The following ZCCHC7 variants were observed in gnomAD, a reference collection of about 807,000 sequenced individuals.
The protein encoded by ZCCHC7 is zinc finger CCHC domain-containing protein 7.
A neutral mutation model predicts 52.0 loss-of-function variants in ZCCHC7; 35 were observed. The ratio of observed to expected loss-of-function variants is 0.67; its 90% CI spans 0.51 to 0.89. The LOEUF is 0.89. Ranked by LOEUF, ZCCHC7 falls within the 40% of genes least tolerant of loss-of-function variation. ZCCHC7 has a pLI of 0.00. For synonymous variants in ZCCHC7, 217 were observed against 221.5 expected (o/e 0.98, Z 0.18); for missense variants, 574 against 649.1 (o/e 0.88, Z 1.26).
intron 2 of ZCCHC7, among the ~76,000 whole-genome samples, chr9:37,267,679 C>T (rs920344964): frequency 1.3e-5 from 2 of 151,068 alleles, no homozygotes; most frequent in African/African-American, 4.9e-5. Flanking sequence ...ACGCCAGTCT[C>T]CTGCCTCAGC....
Position 37,348,359 on chromosome 9 carries a change from T to TTTCTTTCTTTCTTTCC in ZCCHC7, c.988-983_988-982insCTTCTTTCTTTCTTTC, listed in dbSNP as rs1821146440. Among the ~76,000 whole-genome samples the TTTCTTTCTTTCTTTCC allele has an allele frequency of 6.6e-5, 9 of 136,374 alleles. No individual in the cohort carries two copies. In the South Asian group the frequency reaches 2.0e-3, roughly 30 times the overall value. The allele number at this position is 136,374 out of a possible 152,430, so 89.5% of individuals were successfully genotyped here. A position where few individuals can be genotyped will look rare whatever the true frequency, so the allele number is the denominator to read the frequency against. On this transcript the variant is annotated intron_variant, in intron 6 of 8. Transcript: ENST00000336755. Reference sequence around the variant, plus strand: ...GTGATACCAGTTCGTTCTTTCTTTCTTTCTTTCTTTCTTTCTTTCTTTCTT... The same window carrying TTTCTTTCTTTCTTTCC: ...GTGATACCAGTTCGTTCTTTCTTTCTTTCTTTCTTTCTTTCCTTCTTTCTTTCTTTCTTTCTTTCTT...
chr9:37,332,660 C>G (rs1340427282), intron 6 of ZCCHC7, among the ~76,000 whole-genome samples: 1 of 151,118 alleles, frequency 6.6e-6, no homozygotes, highest in Non-Finnish European at 1.5e-5. Flanking sequence ...TGTGGAACCA[C>G]ATTTTGCCAG....
intron 2 of ZCCHC7, among the ~76,000 whole-genome samples, chr9:37,145,154 G>C (rs1170596298): frequency 6.6e-6 from 1 of 151,782 alleles, no homozygotes; most frequent in Non-Finnish European, 1.5e-5. Flanking sequence ...ATTAGTTAAG[G>C]GGCTGAATGG....
Position 37,214,140 on chromosome 9 carries a change from A to G in ZCCHC7, c.610+87198A>G, listed in dbSNP as rs528240534. Reference sequence around the variant, plus strand: ...ATCTGAAATCTTAATTTGCATATCTATGTGGCAAAGCTTTAAATTTAAGTT... The same window carrying G: ...ATCTGAAATCTTAATTTGCATATCTGTGTGGCAAAGCTTTAAATTTAAGTT... On this transcript the variant is annotated intron_variant, in intron 2 of 8. Coordinates refer to ENST00000336755, the MANE Select transcript of ZCCHC7 (RefSeq NM_032226.3). Among the ~76,000 whole-genome samples the G allele has an allele frequency of 3.3e-5, 5 of 152,182 alleles. No individual in the cohort carries two copies. In the East Asian group the frequency reaches 7.7e-4, roughly 23 times the overall value.
intron 6 of ZCCHC7, among the ~76,000 whole-genome samples, chr9:37,338,242 T>C (rs559719774): frequency 6.6e-6 from 1 of 152,328 alleles, no homozygotes; most frequent in African/African-American, 2.4e-5. Context: ...AGCTCATTTT[T>C]ATAAAACTCG....
chr9:37,315,166 T>TTG (rs1226894832), intron 5 of ZCCHC7, among the ~76,000 whole-genome samples: 2 of 151,546 alleles, frequency 1.3e-5, no homozygotes, highest in African/African-American at 4.9e-5. Flanking sequence ...ATGTATATGC[T>TTG]TGTGTGTGTA....
At chr9:37,351,151 C>T (rs563673043) in intron 7 of ZCCHC7, among the ~76,000 whole-genome samples, 1 of 152,066 alleles carries the variant, frequency 6.6e-6, no homozygotes, top group Non-Finnish European at 1.5e-5. Flanking sequence ...CAGCAGCAAC[C>T]GTGGGGGTGA....
At chr9:37,283,829 G>A (rs559404752) in intron 2 of ZCCHC7, among the ~76,000 whole-genome samples, 1 of 152,088 alleles carries the variant, frequency 6.6e-6, no homozygotes, top group East Asian at 1.9e-4. Context: ...TCTATATTGT[G>A]CTTGAATTTT....
rs869266535 is a variant in ZCCHC7 at position 37,352,511 on chromosome 9, CT to C, written c.1084-2175del. On this transcript the variant is annotated intron_variant, in intron 7 of 8. Transcript: ENST00000336755. The stretch of plus-strand genomic sequence containing the variant: ...TACCTTTGCATAATCACAATTTGCT[CT>C]TTTTTTTTTTTTTTTTTTTTTTTGA... Among the ~76,000 whole-genome samples, 417 of 81,560 alleles carry C rather than the reference CT, an allele frequency of 5.1e-3. 1 individual carries two copies. Among genetic ancestry groups the C allele is most frequent in the African/African-American group, 0.019 (345 of 17,962 alleles). The allele number at this position is 81,560 out of a possible 152,430, so 53.5% of individuals were successfully genotyped here. A position where few individuals can be genotyped will look rare whatever the true frequency, so the allele number is the denominator to read the frequency against.
intron 2 of ZCCHC7, among the ~76,000 whole-genome samples, chr9:37,268,327 T>C (rs961145361): frequency 1.3e-5 from 2 of 151,548 alleles, no homozygotes; most frequent in African/African-American, 4.9e-5. Context: ...GTTCCAGACC[T>C]ATCAGGTGTT....
At chr9:37,280,605 A>C (rs1336067628) in intron 2 of ZCCHC7, among the ~76,000 whole-genome samples, 1 of 106,112 alleles carries the variant, frequency 9.4e-6, no homozygotes, top group African/African-American at 4.0e-5. Flanking sequence ...TTAGAAATCT[A>C]TAGCAAAAAA....
chr9:37,205,128 TG>T, intron 2 of ZCCHC7: 1 of 222,298 alleles, frequency 4.5e-6, no homozygotes, highest in Non-Finnish European at 9.0e-6. Flanking sequence ...CTTTAGCACC[TG>T]CACAGTATGC....
chr9:37,212,747 C>T (rs529008584), intron 2 of ZCCHC7, among the ~76,000 whole-genome samples: 16 of 152,262 alleles, frequency 1.1e-4, no homozygotes, highest in African/African-American at 3.9e-4. Flanking sequence ...TTCTTGCTTC[C>T]TTGACCCCTA....
chr9:37,214,381 A>G (rs1204033036), intron 2 of ZCCHC7, among the ~76,000 whole-genome samples: 1 of 152,090 alleles, frequency 6.6e-6, no homozygotes, highest in Non-Finnish European at 1.5e-5. Context: ...ATTATGTTGA[A>G]TGAAGCTGTG....
intron 2 of ZCCHC7, among the ~76,000 whole-genome samples, chr9:37,254,855 G>GTTTTTTTTTTTTTTTTTTTT (rs77209889): frequency 4.5e-5 from 1 of 22,302 alleles, no homozygotes; most frequent in African/African-American, 1.6e-4. Flanking sequence ...TTTTTTTTTG[G>GTTTTTTTTTTTTTTTTTTTT]ATTTTTGAAT....
chr9:37,287,718 T>A (rs1828322390), intron 2 of ZCCHC7, among the ~76,000 whole-genome samples: 1 of 152,228 alleles, frequency 6.6e-6, no homozygotes, highest in African/African-American at 2.4e-5. Context: ...TTTATGTAGC[T>A]AGTCCTAATT....
chr9:37,346,150 G>A (rs1465200332), intron 6 of ZCCHC7, among the ~76,000 whole-genome samples: 1 of 151,968 alleles, frequency 6.6e-6, no homozygotes, highest in African/African-American at 2.4e-5. Context: ...TTACAGGCAT[G>A]CACCACCACG....
At chr9:37,192,836 A>G (rs948125187) in intron 2 of ZCCHC7, among the ~76,000 whole-genome samples, 2 of 138,026 alleles carry the variant, frequency 1.4e-5, no homozygotes, top group Non-Finnish European at 2.9e-5. Flanking sequence ...AAAACTTTAC[A>G]CAAAATGTAA....
intron 2 of ZCCHC7, among the ~76,000 whole-genome samples, chr9:37,159,316 T>G (rs570764728): frequency 6.6e-6 from 1 of 152,210 alleles, no homozygotes; most frequent in Non-Finnish European, 1.5e-5. Flanking sequence ...TTAAAATATG[T>G]GGTTACCTAA....
Sources: gnomAD v4.1 joint callset for allele counts (sites outside exome capture counted in the v4.1 genomes callset) on GRCh38, gnomAD v4.1.1 for gene constraint, MANE v1.5 for transcripts, NCBI Gene and HGNC (gene_info 2026-07-23, HGNC 2026-07-21) for gene names.